The following GPC3 variants were observed in gnomAD, a reference collection of about 807,000 sequenced individuals.
GPC3 encodes the protein glypican 3.
A neutral mutation model predicts 34.4 loss-of-function variants in GPC3; 3 were observed. The observed-to-expected ratio is 0.09, with a 90% CI of 0.04 to 0.23. The LOEUF (loss-of-function observed/expected upper bound fraction) is 0.23. Ranked by LOEUF, GPC3 falls within the 10% of genes least tolerant of loss-of-function variation. The pLI is 1.00. For missense variants in GPC3, 351 were observed against 445.6 expected (o/e 0.79, Z 1.91); for synonymous variants, 177 against 174.0 (o/e 1.02, Z -0.13).
intron 2 of GPC3, among the ~76,000 whole-genome samples, chrX:133,858,220 TCTC>T (rs778648158): frequency 2.7e-5 from 3 of 112,153 alleles, no homozygotes; most frequent in East Asian, 5.6e-4. Context: ...CTTTCCACCT[TCTC>T]CTATAACCAC....
intron 6 of GPC3, among the ~76,000 whole-genome samples, chrX:133,643,831 G>GGTTTTTTTTTTT (rs2070509965): frequency 1.0e-5 from 1 of 97,016 alleles, no homozygotes; most frequent in African/African-American, 4.0e-5. Flanking sequence ...TTGTTTTTAT[G>GGTTTTTTTTTTT]TTTTTTTTTT....
intron 2 of GPC3, among the ~76,000 whole-genome samples, chrX:133,878,946 C>T (rs1046350444): frequency 9.8e-5 from 11 of 111,737 alleles, no homozygotes; most frequent in African/African-American, 3.6e-4. Context: ...TTATAAACTG[C>T]TAAAGAAGAG....
At chrX:133,814,874 T>C (rs1306613371) in intron 2 of GPC3, among the ~76,000 whole-genome samples, 1 of 111,534 alleles carries the variant, frequency 9.0e-6, no homozygotes, top group Non-Finnish European at 1.9e-5. Context: ...GACCCACTCT[T>C]GTGGCATTAT....
intron 3 of GPC3, among the ~76,000 whole-genome samples, chrX:133,706,952 T>C (rs2071224528): frequency 8.9e-6 from 1 of 111,859 alleles, no homozygotes; most frequent in African/African-American, 3.2e-5. Flanking sequence ...TGCTATCAAC[T>C]CAGGTGCTCA....
At chrX:133,592,508 G>A (rs1451560801) in intron 7 of GPC3, among the ~76,000 whole-genome samples, 1 of 109,866 alleles carries the variant, frequency 9.1e-6, no homozygotes, top group Non-Finnish European at 1.9e-5. Flanking sequence ...AGTGTCCAAT[G>A]AACATTAGCT....
chrX:133,956,077 C>G (rs1220832021), intron 1 of GPC3, among the ~76,000 whole-genome samples: 1 of 111,497 alleles, frequency 9.0e-6, no homozygotes, highest in Non-Finnish European at 1.9e-5. Flanking sequence ...CTTCACCCTT[C>G]TCAAGGGAGC....
chrX:133,985,488 C>T lies in GPC3; in HGVS notation c.-39G>A, dbSNP rs185369906. The stretch of plus-strand genomic sequence containing the variant: ...GAGCTAGGAGAGCGCGGGAGAGTGG[C>T]AGCCGGAGCGAGAGCAGTCCCAGGA... On this transcript the variant is annotated 5_prime_UTR_variant, in exon 1 of 8. Transcript: ENST00000370818. 2,513 of 1,142,417 alleles carry T rather than the reference C, an allele frequency of 2.2e-3. 33 individuals are homozygous for T. The African/African-American group carries it at 0.038, about 17-fold the overall frequency. The allele number at this position is 1,142,417 out of a possible 1,213,427, so 94.1% of individuals were successfully genotyped here. A position where few individuals can be genotyped will look rare whatever the true frequency, so the allele number is the denominator to read the frequency against.
chrX:133,738,163 C>T (rs987958628), intron 3 of GPC3, among the ~76,000 whole-genome samples: 1 of 111,829 alleles, frequency 8.9e-6, no homozygotes, highest in Non-Finnish European at 1.9e-5. Flanking sequence ...GACAAGGTCT[C>T]GCTATGTTGC....
chrX:133,597,798 G>GT (rs1404859059), intron 6 of GPC3, among the ~76,000 whole-genome samples: 10 of 110,345 alleles, frequency 9.1e-5, no homozygotes, highest in African/African-American at 3.0e-4. Flanking sequence ...TTTTGTTTTT[G>GT]TTTTTTTTCC....
intron 7 of GPC3, among the ~76,000 whole-genome samples, chrX:133,542,581 G>A (rs138270262): frequency 7.0e-4 from 79 of 112,374 alleles, no homozygotes; most frequent in Non-Finnish European, 1.3e-3. Flanking sequence ...CTACTGCTGA[G>A]CCAAGCATGG....
At chrX:133,572,622 A>C (rs2069643981) in intron 7 of GPC3, among the ~76,000 whole-genome samples, 1 of 111,978 alleles carries the variant, frequency 8.9e-6, no homozygotes, top group African/African-American at 3.2e-5. Context: ...AAAAACAGAG[A>C]TAAAAAAGGG....
intron 2 of GPC3, among the ~76,000 whole-genome samples, chrX:133,796,771 T>C (rs1364798858): frequency 2.7e-5 from 3 of 111,661 alleles, no homozygotes; most frequent in Non-Finnish European, 5.6e-5. Context: ...TCATAGAACT[T>C]TTTAGCTTTG....
chrX:133,753,468 A>G lies in GPC3; in HGVS notation c.1032+14T>C. On this transcript the variant is annotated intron_variant, in intron 3 of 7. Coordinates refer to ENST00000370818, the MANE Select transcript of GPC3 (RefSeq NM_004484.4). The stretch of plus-strand genomic sequence containing the variant: ...AAGGCCCAAATCCTCTGACAACTGT[A>G]GACTGGTACTCACAGTGGTGGTCAG... 1 of 1,173,351 alleles carries G rather than the reference A, an allele frequency of 8.5e-7. No individual in the cohort carries two copies. The highest frequency in any genetic ancestry group is 1.2e-6 in the Non-Finnish European group (1 of 860,418).
intron 2 of GPC3, among the ~76,000 whole-genome samples, chrX:133,943,320 A>G (rs948905492): frequency 8.0e-5 from 9 of 112,532 alleles, no homozygotes; most frequent in African/African-American, 2.9e-4. Flanking sequence ...AAGACTATCT[A>G]TTCTGACATT....
intron 3 of GPC3, among the ~76,000 whole-genome samples, chrX:133,746,513 T>C (rs1156446061): frequency 8.9e-6 from 1 of 112,516 alleles, no homozygotes; most frequent in Non-Finnish European, 1.9e-5. Flanking sequence ...GCCTAAAACA[T>C]GGTGCCAATT....
At chrX:133,930,134 T>C (rs2076292263) in intron 2 of GPC3, among the ~76,000 whole-genome samples, 2 of 111,983 alleles carry the variant, frequency 1.8e-5, no homozygotes, top group African/African-American at 6.5e-5. Flanking sequence ...GATTTAGAGC[T>C]AGAAGGCCAG....
rs1433969786 is a variant in GPC3, at chrX:133,581,592, A to C, written c.1573+14848T>G. Reference sequence around the variant, plus strand: ...AAAAATATAAAATACTCTTCATTATAAATTTTATTTAGCCAATTAGTTCTC... The same window carrying C: ...AAAAATATAAAATACTCTTCATTATCAATTTTATTTAGCCAATTAGTTCTC... On this transcript the variant is annotated intron_variant, in intron 7 of 7. Transcript: ENST00000370818. 4.4e-5 allele frequency among the ~76,000 whole-genome samples: 5 copies of C among 112,413 alleles called. No individual in the cohort carries two copies. The Admixed American group carries it at 4.7e-4, about 11-fold the overall frequency.
At chrX:133,804,299 T>C (rs1298356758) in intron 2 of GPC3, among the ~76,000 whole-genome samples, 1 of 111,202 alleles carries the variant, frequency 9.0e-6, no homozygotes, top group East Asian at 2.8e-4. Flanking sequence ...CTGGGGAGCT[T>C]GTTAAGGAAG....
chrX:133,825,675 T>A (rs375226557), intron 2 of GPC3, among the ~76,000 whole-genome samples: 16 of 111,729 alleles, frequency 1.4e-4, no homozygotes, highest in African/African-American at 4.6e-4. Flanking sequence ...ATCTTAGACA[T>A]ATTCATGGAA....
Sources: gnomAD v4.1 joint callset for allele counts (sites outside exome capture counted in the v4.1 genomes callset) on GRCh38, gnomAD v4.1.1 for gene constraint, MANE v1.5 for transcripts, NCBI Gene and HGNC (gene_info 2026-07-23, HGNC 2026-07-21) for gene names.